The following DEPTOR variants were observed in gnomAD, a reference collection of about 807,000 sequenced individuals.
DEPTOR encodes the protein DEP domain-containing mTOR-interacting protein.
A neutral mutation model predicts 41.6 loss-of-function variants in DEPTOR; 41 were observed. That is an observed-to-expected ratio of 0.98 (90% CI 0.77 to 1.28). The LOEUF (loss-of-function observed/expected upper bound fraction) is 1.28, where lower values mean the gene tolerates loss of function less well. Among genes scored for constraint, DEPTOR ranks in the 50% most tolerant of loss-of-function variants. The probability of loss-of-function intolerance (pLI) is 0.00; values close to 1 mark genes in which losing one functional copy is unlikely to be tolerated. For synonymous variants in DEPTOR, 195 were observed against 192.3 expected (o/e 1.01, Z -0.12); for missense variants, 514 against 527.9 (o/e 0.97, Z 0.26).
chr8:119,875,668 G>C (rs550031196), intron 1 of DEPTOR, among the ~76,000 whole-genome samples: 11 of 152,180 alleles, frequency 7.2e-5, no homozygotes, highest in Non-Finnish European at 1.5e-4. Flanking sequence ...GGTCAGTCCA[G>C]GTAAAAGCAA....
intron 1 of DEPTOR, among the ~76,000 whole-genome samples, chr8:119,897,540 T>A (rs7832923): frequency 0.5 from 75,602 of 151,882 alleles, 20,522 homozygotes; most frequent in East Asian, 0.92. Context: ...CTCAAAAAAA[T>A]AATTCAAAAA....
At chr8:119,933,215 T>C (rs943825136) in intron 3 of DEPTOR, among the ~76,000 whole-genome samples, 1 of 151,930 alleles carries the variant, frequency 6.6e-6, no homozygotes, top group African/African-American at 2.4e-5. Context: ...TCAAGTAATA[T>C]GTGGTGGCTC....
intron 1 of DEPTOR, among the ~76,000 whole-genome samples, chr8:119,882,791 T>G (rs1487046656): frequency 1.3e-5 from 2 of 152,170 alleles, no homozygotes; most frequent in Non-Finnish European, 2.9e-5. Context: ...TCCATGAGTT[T>G]AGTGATTAGG....
chr8:120,021,654 G>T (rs1170282771), intron 8 of DEPTOR, among the ~76,000 whole-genome samples: 3 of 152,126 alleles, frequency 2.0e-5, no homozygotes, highest in Non-Finnish European at 4.4e-5. Flanking sequence ...CTGCCATATT[G>T]CAGTATACTA....
intron 3 of DEPTOR, 84 bp from the exon 4 acceptor site, chr8:119,965,148 G>C: frequency 1.4e-6 from 2 of 1,427,470 alleles, no homozygotes; most frequent in African/African-American, 2.9e-5. Flanking sequence ...CTTTGCTGTA[G>C]TACTTCATGG....
At chr8:119,966,213 C>G (rs1454607432) in intron 4 of DEPTOR, among the ~76,000 whole-genome samples, 2 of 152,144 alleles carry the variant, frequency 1.3e-5, no homozygotes, top group Non-Finnish European at 1.5e-5. Context: ...ACTTGTCATC[C>G]CAGCACTTTG....
intron 3 of DEPTOR, among the ~76,000 whole-genome samples, chr8:119,946,977 G>T (rs763737148): frequency 6.6e-6 from 1 of 152,154 alleles, no homozygotes; most frequent in Non-Finnish European, 1.5e-5. Context: ...CTCTGCAAGG[G>T]TCAGCTCTGA....
At chr8:120,016,876 A>G (rs1812620003) in intron 8 of DEPTOR, among the ~76,000 whole-genome samples, 2 of 152,114 alleles carry the variant, frequency 1.3e-5, no homozygotes, top group Non-Finnish European at 2.9e-5. Context: ...AATCTCCATA[A>G]AGTTGAGATT....
intron 1 of DEPTOR, among the ~76,000 whole-genome samples, chr8:119,917,170 CATT>C (rs1414297895): frequency 6.6e-6 from 1 of 152,180 alleles, no homozygotes; most frequent in Admixed American, 6.5e-5. Flanking sequence ...GAGAGCTACA[CATT>C]ATTAGAGTCA....
rs540653993 is a variant in DEPTOR, at chr8:119,999,864, C to A, written c.605-1661C>A. Among the ~76,000 whole-genome samples, 29 of 152,284 alleles carry A rather than the reference C, an allele frequency of 1.9e-4. No homozygotes were observed. In the Middle Eastern group the frequency reaches 0.017, roughly 89 times the overall value. On this transcript the variant is annotated intron_variant, in intron 4 of 8. Transcript: ENST00000286234. ...GGGGAAACACAGGGAGAGAGTTCTT[C>A]TGCCATGATTGTTGTGGTGGTTACA...
intron 8 of DEPTOR, among the ~76,000 whole-genome samples, chr8:120,030,528 C>CTTTTTTTTTTTTT (rs1344482096): frequency 4.6e-5 from 1 of 21,894 alleles, no homozygotes; most frequent in Non-Finnish European, 1.1e-4. Context: ...TTTTTTTTAG[C>CTTTTTTTTTTTTT]TGGAGTCTCA....
chr8:119,950,259 G>A (rs887784130), intron 3 of DEPTOR, among the ~76,000 whole-genome samples: 9 of 152,202 alleles, frequency 5.9e-5, no homozygotes, highest in South Asian at 2.1e-4. Flanking sequence ...TAATGAAAGC[G>A]GAGACTGCTT....
intron 8 of DEPTOR, among the ~76,000 whole-genome samples, chr8:120,017,035 C>T (rs62528713): frequency 3.9e-5 from 6 of 152,182 alleles, no homozygotes; most frequent in East Asian, 1.9e-4. Flanking sequence ...CTGTTCTCAA[C>T]GGCTGTCTAA....
chr8:120,026,525 TA>T (rs1402177645), intron 8 of DEPTOR, among the ~76,000 whole-genome samples: 1 of 152,000 alleles, frequency 6.6e-6, no homozygotes, highest in Non-Finnish European at 1.5e-5. Flanking sequence ...GTATTTTTAG[TA>T]GAGACAGGGT....
intron 8 of DEPTOR, among the ~76,000 whole-genome samples, chr8:120,044,898 G>T (rs1029397394): frequency 1.3e-5 from 2 of 152,190 alleles, no homozygotes; most frequent in Admixed American, 6.5e-5. Flanking sequence ...AGGCAAAGAT[G>T]CTGGTATTTA....
chr8:120,024,978 C>T (rs1812777432), intron 8 of DEPTOR, among the ~76,000 whole-genome samples: 1 of 152,126 alleles, frequency 6.6e-6, no homozygotes, highest in South Asian at 2.1e-4. Context: ...AAACATCCTT[C>T]AACAAGTATT....
intron 8 of DEPTOR, among the ~76,000 whole-genome samples, chr8:120,043,341 T>C (rs967177547): frequency 2.3e-4 from 35 of 152,206 alleles, no homozygotes; most frequent in African/African-American, 7.7e-4. Context: ...TTGAAGGCAT[T>C]ATTTTTTGCC....
At chr8:120,002,116 A>AAAAT (rs891705005) in intron 5 of DEPTOR, among the ~76,000 whole-genome samples, 1 of 152,154 alleles carries the variant, frequency 6.6e-6, no homozygotes, top group Non-Finnish European at 1.5e-5. Context: ...AAAAAATTTA[A>AAAAT]AAATAAATAA....
chr8:119,918,269 G>A (rs920791898), intron 1 of DEPTOR, among the ~76,000 whole-genome samples: 34 of 152,096 alleles, frequency 2.2e-4, no homozygotes, highest in African/African-American at 8.0e-4. Flanking sequence ...TACTTCCTGG[G>A]TGTGTTTATC....
Sources: gnomAD v4.1 joint callset for allele counts (sites outside exome capture counted in the v4.1 genomes callset) on GRCh38, gnomAD v4.1.1 for gene constraint, MANE v1.5 for transcripts, NCBI Gene and HGNC (gene_info 2026-07-23, HGNC 2026-07-21) for gene names.